The following SLIT3 variants were observed in gnomAD, a reference collection of about 807,000 sequenced individuals.
SLIT3 encodes the protein slit guidance ligand 3.
A neutral mutation model predicts 184.0 loss-of-function variants in SLIT3; 68 were observed. The observed-to-expected ratio is 0.37, with a 90% CI of 0.30 to 0.45. SLIT3 has a LOEUF of 0.45. Ranked by LOEUF, SLIT3 falls within the 20% of genes least tolerant of loss-of-function variation. SLIT3 has a pLI of 1.00. For missense variants in SLIT3, 1,707 were observed against 2,026.0 expected, an observed-to-expected ratio of 0.84 and a Z score of 3.02; for synonymous variants, 831 against 828.6, an observed-to-expected ratio of 1.00 and a Z score of -0.05.
intron 4 of SLIT3, among the ~76,000 whole-genome samples, chr5:169,080,373 G>A (rs1758981239): frequency 6.6e-6 from 1 of 152,170 alleles, no homozygotes; most frequent in Non-Finnish European, 1.5e-5. Context: ...AGGGACTTTT[G>A]CATAGATCTC....
Position 168,795,537 on chromosome 5 carries a change from G to T in SLIT3, c.977C>A (p.Ala326Asp). 1 of 1,613,922 alleles carries T rather than the reference G, an allele frequency of 6.2e-7. No homozygotes were observed. The highest frequency in any genetic ancestry group is 8.5e-7 in the Non-Finnish European group (1 of 1,179,830). Reference protein sequence around the residue: ...QNSIKAIPAGAFTQYKKLKRI... With the variant: ...QNSIKAIPAGDFTQYKKLKRI... ...CTTCAGTTTCTTGTACTGGGTGAAGGCTCCTGCAGGGATGGCTTTGATGGA... is the reference window on the plus strand; with the variant it reads ...CTTCAGTTTCTTGTACTGGGTGAAGTCTCCTGCAGGGATGGCTTTGATGGA... Residue 326 changes from alanine (A) to aspartate (D), a missense_variant, in exon 10 of 36, where the codon GCC (alanine) becomes GAC (aspartate). Physicochemically the swap from Ala to Asp is moderately radical, Grantham distance 126 (BLOSUM62 -2). Around this residue, in one of 3 missense-constraint regions of SLIT3, gnomAD observed 1,307 missense variants for 1,511.6 expected, o/e 0.86. Transcript: ENST00000519560.
chr5:168,751,094 C>T (rs1754681492), intron 18 of SLIT3, among the ~76,000 whole-genome samples: 1 of 151,938 alleles, frequency 6.6e-6, no homozygotes, highest in Non-Finnish European at 1.5e-5. Flanking sequence ...TGCCAAGTTC[C>T]AAGGTTGGAG....
intron 4 of SLIT3, among the ~76,000 whole-genome samples, chr5:169,183,345 C>A (rs1451943070): frequency 6.6e-6 from 1 of 152,116 alleles, no homozygotes; most frequent in African/African-American, 2.4e-5. Context: ...GCTGTATGTG[C>A]GAGGAGGTGA....
intron 4 of SLIT3, among the ~76,000 whole-genome samples, chr5:169,115,852 G>A (rs1561674883): frequency 6.6e-6 from 1 of 152,212 alleles, no homozygotes; most frequent in Non-Finnish European, 1.5e-5. Flanking sequence ...TTGAGCCGGT[G>A]CTCCTGACAG....
rs193163677 is a variant in SLIT3, at chr5:169,269,538, T to C, written c.198-18079A>G. 4.0e-3 allele frequency among the ~76,000 whole-genome samples: 615 copies of C among 152,330 alleles called. 12 individuals are homozygous for C. Among genetic ancestry groups the C allele is most frequent in the Non-Finnish European group, 1.2e-3 (82 of 68,026 alleles). ...CTCCCATCTGTAATACCCTCTCCCATGGATCAAAATGAACTGCAGCTGTCA... is the reference window on the plus strand; with the variant it reads ...CTCCCATCTGTAATACCCTCTCCCACGGATCAAAATGAACTGCAGCTGTCA... On this transcript the variant is annotated intron_variant, in intron 1 of 35. Coordinates refer to ENST00000519560, the MANE Select transcript of SLIT3 (RefSeq NM_003062.4).
In SLIT3 at chr5:169,251,473, C is replaced by A. The variant is rs760759122; in HGVS notation, c.198-14G>T. The A allele has an allele frequency of 1.4e-5, 23 of 1,589,526 alleles. No homozygotes were observed. The highest frequency in any genetic ancestry group is 2.0e-5 in the Non-Finnish European group (23 of 1,157,748). ...CTGTCCAGGTCACTGCAATGGAGAG[C>A]AAATTCAGGTCAGATTTTTGTGGGT... On this transcript the variant is annotated splice_polypyrimidine_tract_variant and intron_variant, in intron 1 of 35. Coordinates refer to ENST00000519560, the MANE Select transcript of SLIT3 (RefSeq NM_003062.4).
At chr5:168,734,268 G>A (rs1048019043) in intron 20 of SLIT3, among the ~76,000 whole-genome samples, 36 of 152,138 alleles carry the variant, frequency 2.4e-4, no homozygotes, top group African/African-American at 8.0e-4. Context: ...CCAAACAACC[G>A]AGCACCACAG....
chr5:168,722,360 C>T (rs774296569), intron 22 of SLIT3, 33 bp from the exon 23 acceptor site: 1 of 1,592,000 alleles, frequency 6.3e-7, no homozygotes, highest in African/African-American at 1.3e-5. Context: ...CCTGTTGTGT[C>T]TTTCTATTCT....
In SLIT3 at chr5:169,300,641, CGCCAGCGCCAAG is replaced by C. The variant is rs1767653633; in HGVS notation, c.57_68del (p.Leu20_Ala23del). ...CGGCTGGAGGCCCACTCAGGACGCT[CGCCAGCGCCAAG>C]GCCAGCGCCAGGCGGGCGCGCACGG... On this transcript the variant is annotated inframe_deletion, in exon 1 of 36. Transcript: ENST00000519560. The surrounding 1 kb of genome is among the most constrained non-coding windows in gnomAD (Gnocchi z 4.1). The C allele has an allele frequency of 1.4e-6, 2 of 1,480,492 alleles. No individual in the cohort carries two copies. Among genetic ancestry groups the C allele is most frequent in the African/African-American group, 1.5e-5 (1 of 68,374 alleles). 91.7% of individuals were successfully genotyped at this position (1,480,492 alleles called of 1,614,324 possible).
chr5:169,009,292 G>A (rs2113450175), intron 4 of SLIT3, among the ~76,000 whole-genome samples: 1 of 152,288 alleles, frequency 6.6e-6, no homozygotes. Context: ...ATCCCACATA[G>A]CTGTGTCTCT....
At chr5:168,787,022 T>A (rs1756178941) in intron 11 of SLIT3, among the ~76,000 whole-genome samples, 1 of 152,198 alleles carries the variant, frequency 6.6e-6, no homozygotes, top group South Asian at 2.1e-4. Context: ...AATATTAGGA[T>A]GCGGAAATGG....
intron 4 of SLIT3, among the ~76,000 whole-genome samples, chr5:168,891,623 GT>G (rs1390008868): frequency 6.6e-6 from 1 of 152,206 alleles, no homozygotes; most frequent in African/African-American, 2.4e-5. Context: ...GTGACTGAGG[GT>G]GAAGGCCTGA....
At chr5:168,735,667 C>T (rs1167859088) in intron 20 of SLIT3, among the ~76,000 whole-genome samples, 26 of 87,760 alleles carry the variant, frequency 3.0e-4, no homozygotes, top group African/African-American at 9.6e-4. Flanking sequence ...TAGATACACA[C>T]ACACACACAC....
intron 1 of SLIT3, among the ~76,000 whole-genome samples, chr5:169,277,462 T>G (rs1252890283): frequency 6.6e-6 from 1 of 152,170 alleles, no homozygotes; most frequent in Non-Finnish European, 1.5e-5. Context: ...GGTCTTGAAC[T>G]CCTGGGTTCA....
chr5:169,050,420 C>G (rs1757774163), intron 4 of SLIT3, among the ~76,000 whole-genome samples: 1 of 152,194 alleles, frequency 6.6e-6, no homozygotes. Flanking sequence ...CCATAATTAT[C>G]CTATCTGACC....
chr5:168,935,329 C>T (rs944129283), intron 4 of SLIT3, among the ~76,000 whole-genome samples: 1 of 152,096 alleles, frequency 6.6e-6, no homozygotes, highest in South Asian at 2.1e-4. Context: ...TGAACCACTA[C>T]ACTGTGCATT....
intron 1 of SLIT3, among the ~76,000 whole-genome samples, chr5:169,255,849 C>T (rs1410541953): frequency 1.3e-5 from 2 of 152,178 alleles, no homozygotes; most frequent in Non-Finnish European, 2.9e-5. Flanking sequence ...CGCCACTGCA[C>T]TCCAGCCTGG....
intron 19 of SLIT3, 116 bp from the exon 20 acceptor site, chr5:168,748,550 T>TTC: frequency 9.4e-7 from 1 of 1,059,258 alleles, no homozygotes; most frequent in East Asian, 3.1e-5. Flanking sequence ...CCCCGCTGTG[T>TTC]TCTAGAACCA....
chr5:169,007,199 GT>G lies in SLIT3; in HGVS notation c.414-123864del, dbSNP rs1755967958. ...GCTTCCCCTTCTGCTATGATTGTAA[GT>G]TTCCTGAGGCCTCCTCAGCCATGTG... On this transcript the variant is annotated intron_variant, in intron 4 of 35. Transcript: ENST00000519560. Among the ~76,000 whole-genome samples the G allele has an allele frequency of 3.3e-5, 5 of 152,272 alleles. No individual in the cohort carries two copies. In the South Asian group the frequency reaches 1.0e-3, roughly 32 times the overall value.
Sources: gnomAD v4.1 joint callset for allele counts (sites outside exome capture counted in the v4.1 genomes callset) on GRCh38, gnomAD v4.1.1 for gene constraint, gnomAD v4.1.1 regional missense constraint, Gnocchi (gnomAD v3.1) non-coding constraint, MANE v1.5 for transcripts, NCBI Gene and HGNC (gene_info 2026-07-23, HGNC 2026-07-21) for gene names.